Variants in ZC3H12B observed in about 807,000 individuals in gnomAD.
ZC3H12B encodes the protein probable ribonuclease ZC3H12B.
Under a neutral mutation model 43.9 loss-of-function variants are expected in ZC3H12B, and 7 were observed. The observed-to-expected ratio is 0.16, with a 90% confidence interval of 0.09 to 0.30. The LOEUF is 0.30. Among genes scored for constraint, ZC3H12B ranks in the 10% least tolerant of loss-of-function variants. The pLI, the probability that ZC3H12B is intolerant of heterozygous loss-of-function variation, is 1.00. For synonymous variants in ZC3H12B, 222 were observed against 241.7 expected (o/e 0.92, Z 0.76); for missense variants, 475 against 670.2 (o/e 0.71, Z 3.22).
chrX:65,113,215 G>A, the ZC3H12B span, among the ~76,000 whole-genome samples: 1 of 111,847 alleles, frequency 8.9e-6, no homozygotes, highest in African/African-American at 3.2e-5. Flanking sequence ...AACTATAACG[G>A]ATGAAGAGTT....
chrX:65,175,946 G>C, the ZC3H12B span, among the ~76,000 whole-genome samples: 1 of 112,089 alleles, frequency 8.9e-6, no homozygotes, highest in Non-Finnish European at 1.9e-5. Context: ...TGGGTTTCAA[G>C]CACAAAAGTG....
intron 2 of ZC3H12B, among the ~76,000 whole-genome samples, chrX:65,381,568 T>G (rs1343639532): frequency 9.0e-6 from 1 of 110,547 alleles, no homozygotes; most frequent in South Asian, 3.8e-4. Context: ...GCAAACACAT[T>G]CAAAAGCTAG....
At chrX:65,204,048 T>A in the ZC3H12B span, among the ~76,000 whole-genome samples, 2 of 112,363 alleles carry the variant, frequency 1.8e-5, no homozygotes, top group Admixed American at 1.9e-4. Flanking sequence ...CCACAATCAT[T>A]GTGTTCTCTC....
the ZC3H12B span, among the ~76,000 whole-genome samples, chrX:65,152,355 C>T: frequency 9.0e-6 from 1 of 111,659 alleles, no homozygotes; most frequent in Non-Finnish European, 1.9e-5. Context: ...CCCAAAATCT[C>T]CTTAAGCTGA....
At chrX:65,156,570 G>A in the ZC3H12B span, among the ~76,000 whole-genome samples, 8 of 110,985 alleles carry the variant, frequency 7.2e-5, no homozygotes, top group Admixed American at 9.6e-5. Flanking sequence ...TAGTAGAGAC[G>A]GGGTTTCACC....
the ZC3H12B span, among the ~76,000 whole-genome samples, chrX:65,300,556 C>A: frequency 1.8e-5 from 2 of 111,576 alleles, no homozygotes; most frequent in Admixed American, 9.5e-5. Flanking sequence ...CTGCCCCCAC[C>A]TGGTGGTCTT....
chrX:65,401,206 A>G (rs1363679829), intron 3 of ZC3H12B, among the ~76,000 whole-genome samples: 1 of 111,484 alleles, frequency 9.0e-6, no homozygotes, highest in Non-Finnish European at 1.9e-5. Context: ...TGAATCTCAA[A>G]TGCCACCCCT....
At chrX:65,287,121 A>G in the ZC3H12B span, among the ~76,000 whole-genome samples, 1 of 111,063 alleles carries the variant, frequency 9.0e-6, no homozygotes, top group Non-Finnish European at 1.9e-5. Flanking sequence ...AGAATTAGAC[A>G]GATTATCTAG....
intron 3 of ZC3H12B, among the ~76,000 whole-genome samples, chrX:65,416,218 G>A (rs2066958664): frequency 1.8e-5 from 2 of 111,408 alleles, no homozygotes; most frequent in South Asian, 7.5e-4. Context: ...AAGATTATTT[G>A]CATTTACACT....
chrX:65,346,862 G>A, the ZC3H12B span, among the ~76,000 whole-genome samples: 3 of 112,228 alleles, frequency 2.7e-5, no homozygotes, highest in African/African-American at 9.7e-5. Flanking sequence ...GAATGGGGCG[G>A]CTGTGGGTGC....
the ZC3H12B span, among the ~76,000 whole-genome samples, chrX:65,114,280 G>A: frequency 1.9e-5 from 2 of 107,944 alleles, no homozygotes; most frequent in Non-Finnish European, 3.8e-5. Context: ...AAAATGAATT[G>A]GAAAGAGTTC....
intron 3 of ZC3H12B, among the ~76,000 whole-genome samples, chrX:65,425,843 T>C (rs901312503): frequency 8.9e-6 from 1 of 111,735 alleles, no homozygotes; most frequent in Non-Finnish European, 1.9e-5. Flanking sequence ...CTTTTTGATA[T>C]GCTACTGGAT....
the ZC3H12B span, among the ~76,000 whole-genome samples, chrX:65,312,540 G>T: frequency 9.0e-6 from 1 of 111,132 alleles, no homozygotes; most frequent in African/African-American, 3.3e-5. Context: ...GGCCCCTCTT[G>T]TGAAAGGTTG....
intron 2 of ZC3H12B, among the ~76,000 whole-genome samples, chrX:65,375,984 T>C (rs1332658178): frequency 8.9e-6 from 1 of 112,208 alleles, no homozygotes; most frequent in Non-Finnish European, 1.9e-5. Flanking sequence ...GAGTACCAAG[T>C]GGGCTCTTGG....
intron 2 of ZC3H12B, among the ~76,000 whole-genome samples, chrX:65,375,593 A>G (rs948935391): frequency 2.7e-5 from 3 of 110,963 alleles, no homozygotes; most frequent in Non-Finnish European, 5.7e-5. Context: ...TGCACCTTGA[A>G]TACCAGCTCA....
At chrX:65,396,593 G>A (rs1483172120) in intron 2 of ZC3H12B, among the ~76,000 whole-genome samples, 7 of 103,443 alleles carry the variant, frequency 6.8e-5, no homozygotes, top group East Asian at 5.8e-4. Flanking sequence ...TTTTTTTTTC[G>A]CATTTGCTGA....
chrX:65,463,260 G>A (rs1405396604), intron 3 of ZC3H12B, among the ~76,000 whole-genome samples: 1 of 111,883 alleles, frequency 8.9e-6, no homozygotes, highest in Non-Finnish European at 1.9e-5. Flanking sequence ...AGTACCCCTT[G>A]AATCTAAAAT....
the ZC3H12B span, among the ~76,000 whole-genome samples, chrX:65,203,918 G>T: frequency 8.9e-6 from 1 of 111,923 alleles, no homozygotes; most frequent in Non-Finnish European, 1.9e-5. Flanking sequence ...CAAATGCTGG[G>T]ATGAGTGATG....
the ZC3H12B span, among the ~76,000 whole-genome samples, chrX:65,150,266 C>T: frequency 9.0e-6 from 1 of 111,240 alleles, no homozygotes; most frequent in Non-Finnish European, 1.9e-5. Flanking sequence ...ATGAACATTA[C>T]TCATTTATTG....
Sources: gnomAD v4.1 joint callset for allele counts (sites outside exome capture counted in the v4.1 genomes callset) on GRCh38, gnomAD v4.1.1 for gene constraint, MANE v1.5 for transcripts, NCBI Gene and HGNC (gene_info 2026-07-23, HGNC 2026-07-21) for gene names.